LARGE1: variants seen among roughly 807,000 people sequenced by gnomAD.
LARGE1 encodes the protein LARGE xylosyl- and glucuronyltransferase 1.
Under a neutral mutation model 87.6 loss-of-function variants are expected in LARGE1, and 43 were observed. The ratio of observed to expected loss-of-function variants is 0.49; its 90% confidence interval spans 0.38 to 0.63. The LOEUF is 0.63. Ranked by LOEUF, LARGE1 falls within the 30% of genes least tolerant of loss-of-function variation. The pLI is 0.00. For synonymous variants in LARGE1, 434 were observed against 394.6 expected (o/e 1.10, Z -1.18); for missense variants, 802 against 1,000.2 (o/e 0.80, Z 2.67).
chr22:33,916,647 G>C (rs1450109566), intron 1 of LARGE1, among the ~76,000 whole-genome samples: 3 of 152,066 alleles, frequency 2.0e-5, no homozygotes, highest in Admixed American at 6.5e-5. Flanking sequence ...TCAGCCTTTT[G>C]GGTCTTATAT....
At chr22:33,266,454 C>T (rs191129370) in intron 11 of LARGE1, among the ~76,000 whole-genome samples, 1 of 151,638 alleles carries the variant, frequency 6.6e-6, no homozygotes, top group East Asian at 1.9e-4. Context: ...GAACTCCTGA[C>T]CTCAGCTGGT....
chr22:33,624,103 G>A (rs1394065656), intron 4 of LARGE1, among the ~76,000 whole-genome samples: 2 of 152,190 alleles, frequency 1.3e-5, no homozygotes, highest in East Asian at 3.8e-4. Context: ...ATAGTGTCAT[G>A]AATGTGGAAC....
chr22:33,773,887 A>T (rs1423663326), intron 1 of LARGE1, among the ~76,000 whole-genome samples: 1 of 152,190 alleles, frequency 6.6e-6, no homozygotes, highest in Non-Finnish European at 1.5e-5. Flanking sequence ...AAATAAATTG[A>T]TTGACTATAG....
chr22:33,145,252 T>C, the LARGE1 span, among the ~76,000 whole-genome samples: 1 of 152,120 alleles, frequency 6.6e-6, no homozygotes, highest in Non-Finnish European at 1.5e-5. Context: ...CCTGGAGATA[T>C]TGAGATATGC....
chr22:33,766,957 T>C (rs536565256), intron 1 of LARGE1, among the ~76,000 whole-genome samples: 1 of 55,616 alleles, frequency 1.8e-5, no homozygotes, highest in Non-Finnish European at 3.9e-5. Context: ...TATATATATA[T>C]ATATATATAT....
intron 11 of LARGE1, among the ~76,000 whole-genome samples, chr22:33,232,757 C>T (rs994303333): frequency 6.6e-6 from 1 of 152,106 alleles, no homozygotes; most frequent in African/African-American, 2.4e-5. Context: ...ATAAATGAGG[C>T]CTATTCTCAA....
At chr22:33,293,928 T>A (rs1199671760) in intron 12 of LARGE1, among the ~76,000 whole-genome samples, 1 of 152,236 alleles carries the variant, frequency 6.6e-6, no homozygotes, top group East Asian at 1.9e-4. Flanking sequence ...AACAGATTTA[T>A]CCATTCTCAC....
chr22:33,907,275 T>C (rs912458416), intron 1 of LARGE1, among the ~76,000 whole-genome samples: 6 of 152,178 alleles, frequency 3.9e-5, no homozygotes, highest in Non-Finnish European at 8.8e-5. Context: ...AAAACCCAAA[T>C]GGACCTCACG....
chr22:33,812,658 C>T (rs1601677031), intron 1 of LARGE1, among the ~76,000 whole-genome samples: 1 of 152,214 alleles, frequency 6.6e-6, no homozygotes, highest in East Asian at 1.9e-4. Context: ...TGCAATGATC[C>T]CCTTGGGGTT....
chr22:33,900,785 G>A (rs561149310), intron 1 of LARGE1, among the ~76,000 whole-genome samples: 33 of 152,308 alleles, frequency 2.2e-4, no homozygotes, highest in East Asian at 5.8e-4. Context: ...AGTGGCTCAC[G>A]CCTGTAATCC....
At chr22:33,623,166 A>C (rs2079810173) in intron 4 of LARGE1, among the ~76,000 whole-genome samples, 1 of 147,788 alleles carries the variant, frequency 6.8e-6, no homozygotes, top group Admixed American at 6.8e-5. Context: ...AACCAGGGAG[A>C]GACCTGATAC....
chr22:33,178,536 A>G (rs569693310), intron 11 of LARGE1, among the ~76,000 whole-genome samples: 7 of 152,348 alleles, frequency 4.6e-5, no homozygotes, highest in African/African-American at 1.4e-4. Context: ...GTTTGGATGG[A>G]GTCCAAAGTG....
At chr22:33,522,895 T>C (rs2071682661) in intron 6 of LARGE1, among the ~76,000 whole-genome samples, 1 of 151,538 alleles carries the variant, frequency 6.6e-6, no homozygotes, top group South Asian at 2.1e-4. Context: ...GTAGTCTCAG[T>C]TACTTGGGAG....
At chr22:33,397,367 G>A (rs889402211) in intron 7 of LARGE1, among the ~76,000 whole-genome samples, 3 of 152,210 alleles carry the variant, frequency 2.0e-5, no homozygotes, top group African/African-American at 4.8e-5. Flanking sequence ...CTACCGCCTT[G>A]GCCTCCCAAA....
intron 2 of LARGE1, among the ~76,000 whole-genome samples, chr22:33,662,076 C>CAAAAAAA (rs34470280): frequency 5.5e-5 from 3 of 54,896 alleles, no homozygotes; most frequent in African/African-American, 7.1e-5. Flanking sequence ...GCTTAGGAGC[C>CAAAAAAA]AAAAAAAAAA....
At chr22:33,162,511 G>C (rs528407479) in exon 12 of LARGE1, 1 of 152,066 alleles carries the variant, frequency 6.6e-6, no homozygotes, top group African/African-American at 2.4e-5. Flanking sequence ...ATGAGATCTG[G>C]GTGAGAACAT....
chr22:33,817,653 T>C (rs2086695101), intron 1 of LARGE1, among the ~76,000 whole-genome samples: 1 of 152,096 alleles, frequency 6.6e-6, no homozygotes, highest in African/African-American at 2.4e-5. Context: ...TGGACTCAGC[T>C]GCCTGGTGAA....
At position 33,287,167 on chromosome 22, in the gene LARGE1, A is replaced by G. The variant is rs139349634; in HGVS notation, c.1731-3819T>C. Among the ~76,000 whole-genome samples, 695 of 152,346 alleles carry G rather than the reference A, an allele frequency of 4.6e-3. 4 individuals are homozygous for G. The highest frequency in any genetic ancestry group is 0.015 in the African/African-American group (637 of 41,574). On this transcript the variant is annotated intron_variant, in intron 12 of 14. Transcript: ENST00000397394. Reference sequence around the variant, plus strand: ...GTTTTCCAAGTCCTAGTTTGATTCTATAAGATAACCCATCCATTATTTGCT... The same window carrying G: ...GTTTTCCAAGTCCTAGTTTGATTCTGTAAGATAACCCATCCATTATTTGCT...
chr22:33,161,939 T>C (rs1378042633), downstream of LARGE1, among the ~76,000 whole-genome samples: 2 of 152,204 alleles, frequency 1.3e-5, no homozygotes. Flanking sequence ...AAGTTCCTCA[T>C]CCCCATCTGA....
Sources: gnomAD v4.1 joint callset for allele counts (sites outside exome capture counted in the v4.1 genomes callset) on GRCh38, gnomAD v4.1.1 for gene constraint, MANE v1.5 for transcripts, NCBI Gene and HGNC (gene_info 2026-07-23, HGNC 2026-07-21) for gene names.